Variants in MRGPRF observed in about 807,000 individuals in gnomAD.
MRGPRF encodes the protein MAS related GPR family member F.
In MRGPRF, 2 loss-of-function variants were observed where a neutral mutation model predicts 3.3. The observed-to-expected ratio is 0.61, with a 90% CI of 0.25 to 1.92. The LOEUF is 1.92. Ranked by LOEUF, MRGPRF falls within the 40% of genes most tolerant of loss-of-function variation. MRGPRF has a pLI of 0.16. For synonymous variants in MRGPRF, 242 were observed against 222.7 expected (o/e 1.09, Z -0.77); for missense variants, 500 against 476.0 (o/e 1.05, Z -0.47).
rs1021362782 is a variant in MRGPRF at position 69,005,417 on chromosome 11, T to C, written c.893A>G (p.Lys298Arg). The change falls in exon 3 of 3, where the codon AAG (lysine) becomes AGG (arginine). Residue 298 changes from lysine (K) to arginine (R), a missense_variant. Transcript: ENST00000309099. ...GAGCGGCTCCCACAGCCGCTGCGAC[T>C]TGTCCCTCCCGGCCAGGAAGTAGAC... ...PIVYFLAGRD[K>R]SQRLWEPLRV... 1.3e-6 allele frequency: 2 copies of C among 1,585,630 alleles called. No individual in the cohort carries two copies. Among genetic ancestry groups the C allele is most frequent in the Middle Eastern group, 1.7e-4 (1 of 6,034 alleles).
At chr11:69,006,369 G>A in intron 2 of MRGPRF, 108 bp from the exon 3 acceptor site, 1 of 1,225,466 alleles carries the variant, frequency 8.2e-7, no homozygotes, top group Non-Finnish European at 1.1e-6. Flanking sequence ...TAGGGACTTG[G>A]GGCAGGGAGG....
In MRGPRF at chr11:69,005,376, G is replaced by T. The variant is rs747607052; in HGVS notation, c.934C>A (p.Arg312=). 6.4e-7 allele frequency: 1 copy of T among 1,572,196 alleles called. No homozygotes were observed. Among genetic ancestry groups the T allele is most frequent in the Non-Finnish European group, 8.6e-7 (1 of 1,159,462 alleles). Residue 312 remains arginine, a synonymous_variant, in exon 3 of 3, where the codon CGG becomes AGG. Coordinates refer to ENST00000309099, the MANE Select transcript of MRGPRF (RefSeq NM_145015.5). ...AGCTCAGCGCCGTCCCGCAGGGCCCGCTGGAAGACCACCCTGAGCGGCTCC... is the reference window on the plus strand; with the variant it reads ...AGCTCAGCGCCGTCCCGCAGGGCCCTCTGGAAGACCACCCTGAGCGGCTCC... ...LWEPLRVVFQ[R]ALRDGAELGE...
chr11:69,005,179 TTC>T lies in MRGPRF; in HGVS notation c.*97_*98del. The T allele has an allele frequency of 7.3e-7, 1 of 1,361,658 alleles. No homozygotes were observed. The highest frequency in any genetic ancestry group is 9.7e-7 in the Non-Finnish European group (1 of 1,034,250). 84.3% of individuals were successfully genotyped at this position (1,361,658 alleles called of 1,614,324 possible). ...CCCGAGGAGAGGAAACAGATCTTTC[TTC>T]TCCTGTATGGACTCAGAAGCAGGTG... is the stretch of plus-strand genomic sequence containing the variant. On this transcript the variant is annotated 3_prime_UTR_variant, in exon 3 of 3. Coordinates refer to ENST00000309099, the MANE Select transcript of MRGPRF (RefSeq NM_145015.5).
At position 69,005,841 on chromosome 11, in the gene MRGPRF, T is replaced by C; in HGVS notation, c.469A>G (p.Lys157Glu). Residue 157 changes from lysine to glutamate, a missense_variant, in exon 3 of 3, where the codon AAG (lysine) becomes GAG (glutamate). Physicochemically the swap from Lys to Glu is moderately conservative, Grantham distance 56. Coordinates refer to ENST00000309099, the MANE Select transcript of MRGPRF (RefSeq NM_145015.5). The stretch of plus-strand genomic sequence containing the variant: ...GCGCACACCACGGCCGACAGGCGCT[T>C]GGGCCGCCGGCGCCAGTACCAGGCG... ...FPAWYWRRRP[K>E]RLSAVVCALL... The C allele has an allele frequency of 1.3e-6, 2 of 1,537,114 alleles. No homozygotes were observed. The highest frequency in any genetic ancestry group is 1.7e-6 in the Non-Finnish European group (2 of 1,143,076).
At chr11:69,007,266 G>A (rs1860509260) in intron 2 of MRGPRF, among the ~76,000 whole-genome samples, 1 of 152,120 alleles carries the variant, frequency 6.6e-6, no homozygotes. Flanking sequence ...AGAGTGCAGT[G>A]GCCCGATCTT....
At chr11:69,012,244 GC>G (rs1329541981) in intron 1 of MRGPRF, 1 of 152,348 alleles carries the variant, frequency 6.6e-6, no homozygotes, top group African/African-American at 2.4e-5. Flanking sequence ...CCACCTGTCA[GC>G]CTCCTGCAGC....
Position 69,005,165 on chromosome 11 carries a change from G to C in MRGPRF, c.*113C>G, listed in dbSNP as rs572573828. 1 of 1,333,246 alleles carries C rather than the reference G, an allele frequency of 7.5e-7. No individual in the cohort carries two copies. The highest frequency in any genetic ancestry group is 9.9e-7 in the Non-Finnish European group (1 of 1,010,422). The allele number at this position is 1,333,246 out of a possible 1,614,324, so 82.6% of individuals were successfully genotyped here. A position where few individuals can be genotyped will look rare whatever the true frequency, so the allele number is the denominator to read the frequency against. On this transcript the variant is annotated 3_prime_UTR_variant, in exon 3 of 3. Coordinates refer to ENST00000309099, the MANE Select transcript of MRGPRF (RefSeq NM_145015.5). ...CAGGGAGAAGGAGGCCCGAGGAGAG[G>C]AAACAGATCTTTCTTCTCCTGTATG...
At chr11:69,011,831 C>T (rs1436800408) in intron 1 of MRGPRF, among the ~76,000 whole-genome samples, 1 of 152,206 alleles carries the variant, frequency 6.6e-6, no homozygotes, top group Non-Finnish European at 1.5e-5. Flanking sequence ...GGCTAGACCC[C>T]AGCCACACCA....
intron 2 of MRGPRF, chr11:69,009,419 G>C: frequency 2.0e-6 from 1 of 493,556 alleles, no homozygotes; most frequent in African/African-American, 2.0e-5. Context: ...CCCTGGCCTG[G>C]GGCAACACTC....
chr11:69,008,341 A>C (rs1268537190), intron 2 of MRGPRF, among the ~76,000 whole-genome samples: 3 of 152,118 alleles, frequency 2.0e-5, no homozygotes, highest in Non-Finnish European at 4.4e-5. Context: ...CTCCCCTCAA[A>C]GGCTGGTTTC....
intron 2 of MRGPRF, among the ~76,000 whole-genome samples, chr11:69,007,535 G>GA (rs1860514209): frequency 6.6e-6 from 1 of 152,108 alleles, no homozygotes; most frequent in Non-Finnish European, 1.5e-5. Flanking sequence ...ATCATTCTGG[G>GA]AAAAAAAGCC....
At chr11:69,006,320 C>A in intron 2 of MRGPRF, 59 bp from the exon 3 acceptor site, 2 of 1,478,126 alleles carry the variant, frequency 1.4e-6, no homozygotes, top group Non-Finnish European at 9.0e-7. Context: ...CACAGACCTG[C>A]ATCTGGGGCC....
At chr11:69,008,560 C>T (rs1288359059) in intron 2 of MRGPRF, among the ~76,000 whole-genome samples, 5 of 152,292 alleles carry the variant, frequency 3.3e-5, no homozygotes, top group African/African-American at 1.2e-4. Context: ...AAGGTGTTGG[C>T]AAAACTCTGG....
intron 2 of MRGPRF, 90 bp from the exon 3 acceptor site, chr11:69,006,351 G>T (rs1246533152): frequency 3.3e-6 from 4 of 1,197,426 alleles, no homozygotes; most frequent in South Asian, 1.5e-5. Context: ...GAGGGGGGGG[G>T]TCCCAATTAG....
At position 69,005,749 on chromosome 11, in the gene MRGPRF, G is replaced by A. The variant is rs1860465289; in HGVS notation, c.561C>T (p.Arg187=). 1.9e-6 allele frequency: 3 copies of A among 1,549,424 alleles called. No homozygotes were observed. In the African/African-American group the frequency reaches 4.1e-5, roughly 21 times the overall value. The change falls in exon 3 of 3, where the codon CGC becomes CGT. Residue 187 remains arginine, a synonymous_variant. Coordinates refer to ENST00000309099, the MANE Select transcript of MRGPRF (RefSeq NM_145015.5). ...GCCTGCAGGCCGCGCCGGGGGCCCC[G>A]CGGCCCAGGAACACGCAGAAGTAGT... ...LHNYFCVFLG[R]GAPGAACRHM...
At chr11:69,008,772 C>T (rs148776953) in intron 2 of MRGPRF, among the ~76,000 whole-genome samples, 31 of 152,326 alleles carry the variant, frequency 2.0e-4, no homozygotes, top group African/African-American at 7.5e-4. Context: ...CCCAAACAGG[C>T]CCAAGAGGAC....
At chr11:69,008,723 A>G (rs1177239366) in intron 2 of MRGPRF, among the ~76,000 whole-genome samples, 1 of 151,980 alleles carries the variant, frequency 6.6e-6, no homozygotes, top group African/African-American at 2.4e-5. Context: ...TGACCTGGAC[A>G]CTCTTCTGGG....
intron 2 of MRGPRF, 69 bp downstream of exon 2, chr11:69,009,785 G>A: frequency 2.6e-6 from 4 of 1,540,584 alleles, no homozygotes; most frequent in South Asian, 1.1e-5. Flanking sequence ...AGGAGATGCT[G>A]GGCTGGGTCT....
At chr11:69,011,843 C>T (rs558217115) in intron 1 of MRGPRF, among the ~76,000 whole-genome samples, 4 of 152,334 alleles carry the variant, frequency 2.6e-5, no homozygotes, top group Non-Finnish European at 5.9e-5. Context: ...GCCACACCAA[C>T]TAGTGCCCCA....
Sources: allele counts gnomAD v4.1 joint callset (sites outside exome capture counted in the v4.1 genomes callset), GRCh38; gene constraint gnomAD v4.1.1; transcripts MANE v1.5; gene names NCBI Gene and HGNC (gene_info 2026-07-23, HGNC 2026-07-21).